Variants in CFAP44 observed in about 807,000 individuals in gnomAD.
The protein encoded by CFAP44 is cilia- and flagella-associated protein 44.
In CFAP44, 134 loss-of-function variants were observed where a neutral mutation model predicts 216.2. That is an observed-to-expected ratio of 0.62 (90% CI 0.54 to 0.72). The LOEUF (loss-of-function observed/expected upper bound fraction) is 0.72. CFAP44 is among the 30% of genes least tolerant of loss of function. The probability of loss-of-function intolerance (pLI) is 0.00; values close to 1 mark genes in which losing one functional copy is unlikely to be tolerated. For synonymous variants in CFAP44, 700 were observed against 727.6 expected (o/e 0.96, Z 0.61); for missense variants, 2,035 against 2,182.1 (o/e 0.93, Z 1.34).
intron 15 of CFAP44, among the ~76,000 whole-genome samples, chr3:113,395,210 T>C (rs75173481): frequency 7.7e-4 from 118 of 152,346 alleles, no homozygotes; most frequent in Non-Finnish European, 1.2e-3. Flanking sequence ...GACTGAATTC[T>C]CATATGCTCA....
rs114378814 is a variant in CFAP44, at chr3:113,291,878, G to A, written c.5374-130C>T. The A allele has an allele frequency of 7.9e-4, 807 of 1,025,964 alleles. 6 individuals are homozygous for A. The African/African-American group carries it at 0.011, about 14-fold the overall frequency. 63.6% of individuals were successfully genotyped at this position (1,025,964 alleles called of 1,614,324 possible). A position where few individuals can be genotyped will look rare whatever the true frequency, so the allele number is the denominator to read the frequency against. ...TAAACAGCCACTGTTCCTTAATCTC[G>A]GGAGCCTTCAATTCCTCTGCTAAAA... On this transcript the variant is annotated intron_variant, in intron 34 of 34. Transcript: ENST00000393845.
rs1949886701 is a variant in CFAP44 at position 113,296,836 on chromosome 3, C to T, written c.5127G>A (p.Val1709=). ...RQLMISKFGR[V]VNLEALQTLS... Reference sequence around the variant, plus strand: ...GCGTTTGAAGGGCTTCTAGATTTACCACACGGCCAAACTTGCTGATCATGA... The same window carrying T: ...GCGTTTGAAGGGCTTCTAGATTTACTACACGGCCAAACTTGCTGATCATGA... The change falls in exon 33 of 35, where the codon GTG becomes GTA. Residue 1709 remains valine, a synonymous_variant. Coordinates refer to ENST00000393845, the MANE Select transcript of CFAP44 (RefSeq NM_001164496.2). 6.5e-7 allele frequency: 1 copy of T among 1,537,210 alleles called. No homozygotes were observed. The highest frequency in any genetic ancestry group is 8.7e-7 in the Non-Finnish European group (1 of 1,146,930).
chr3:113,390,578 T>A (rs905813316), intron 15 of CFAP44, among the ~76,000 whole-genome samples: 1 of 152,160 alleles, frequency 6.6e-6, no homozygotes, highest in Admixed American at 6.5e-5. Context: ...GATTATATGA[T>A]CTTATATTTG....
At position 113,290,471 on chromosome 3, in the gene CFAP44, C is replaced by T. The variant is rs1004445074; in HGVS notation, c.*1086G>A. On this transcript the variant is annotated 3_prime_UTR_variant, in exon 35 of 35. Transcript: ENST00000393845. ...TATGCAATGTTCCTTTCTTCACCCG[C>T]CCTTCTCAGTGACCAGCTTATCCTG... is the stretch of plus-strand genomic sequence containing the variant. 1 of 152,182 alleles carries T rather than the reference C, an allele frequency of 6.6e-6. No individual in the cohort carries two copies. The highest frequency in any genetic ancestry group is 2.4e-5 in the African/African-American group (1 of 41,428). 9.4% of individuals were successfully genotyped at this position (152,182 alleles called of 1,614,324 possible).
At chr3:113,300,492 T>C (rs1332697772) in intron 32 of CFAP44, among the ~76,000 whole-genome samples, 8 of 147,318 alleles carry the variant, frequency 5.4e-5, no homozygotes, top group South Asian at 2.1e-4. Context: ...TATATATATA[T>C]ACCTACTATG....
At chr3:113,384,589 C>T (rs1933599074) in intron 15 of CFAP44, among the ~76,000 whole-genome samples, 1 of 152,112 alleles carries the variant, frequency 6.6e-6, no homozygotes, top group Non-Finnish European at 1.5e-5. Flanking sequence ...AAGACACAGA[C>T]AACACAAACA....
rs555027632 is a variant in CFAP44, at chr3:113,383,368, G to C, written c.1891-2308C>G. ...TGGTCTTGTATGCTCACAGGACAGA[G>C]AGAAGAAACTCTGGTCTCTTCATCC... is the stretch of plus-strand genomic sequence containing the variant. On this transcript the variant is annotated intron_variant, in intron 15 of 34. Coordinates refer to ENST00000393845, the MANE Select transcript of CFAP44 (RefSeq NM_001164496.2). Among the ~76,000 whole-genome samples the C allele has an allele frequency of 7.0e-4, 106 of 152,220 alleles. 1 individual carries two copies. The highest frequency in any genetic ancestry group is 2.5e-3 in the African/African-American group (103 of 41,536).
chr3:113,410,286 C>CTA (rs1373254267), intron 6 of CFAP44, among the ~76,000 whole-genome samples: 7 of 152,124 alleles, frequency 4.6e-5, no homozygotes, highest in Non-Finnish European at 7.3e-5. Flanking sequence ...TCTCCTAATG[C>CTA]TATCCCTACC....
chr3:113,357,345 C>T (rs1950500813), intron 22 of CFAP44, among the ~76,000 whole-genome samples: 2 of 152,006 alleles, frequency 1.3e-5, no homozygotes, highest in South Asian at 4.2e-4. Flanking sequence ...ATAATGACAG[C>T]AGGCCTTAAT....
intron 15 of CFAP44, among the ~76,000 whole-genome samples, chr3:113,383,912 C>T (rs1004232907): frequency 6.6e-6 from 1 of 152,100 alleles, no homozygotes; most frequent in East Asian, 1.9e-4. Context: ...CCCCCAACCC[C>T]CTGCCAGGCC....
In CFAP44 at chr3:113,406,948, G is replaced by A. The variant is rs749952567; in HGVS notation, c.984C>T (p.Tyr328=). 3 of 1,613,758 alleles carry A rather than the reference G, an allele frequency of 1.9e-6. No individual in the cohort carries two copies. Among genetic ancestry groups the A allele is most frequent in the African/African-American group, 2.7e-5 (2 of 74,892 alleles). The stretch of plus-strand genomic sequence containing the variant: ...TCACCTTCCCATCTGGGAGCTCCAT[G>A]TAGCCTTCTATATCAGTAGTGATTG... ...GKTITTDIEG[Y]MELPDGKVLS... The change falls in exon 8 of 35, where the codon TAC becomes TAT. Residue 328 remains tyrosine (Y), a synonymous_variant. Transcript: ENST00000393845.
chr3:113,387,583 AC>A (rs1409814429), intron 15 of CFAP44, among the ~76,000 whole-genome samples: 1 of 152,084 alleles, frequency 6.6e-6, no homozygotes, highest in East Asian at 1.9e-4. Context: ...AGACTCTGGG[AC>A]AAGCTGGTTT....
At chr3:113,347,280 C>G (rs1230385398) in intron 22 of CFAP44, among the ~76,000 whole-genome samples, 1 of 152,130 alleles carries the variant, frequency 6.6e-6, no homozygotes, top group African/African-American at 2.4e-5. Context: ...AGCCAACGGT[C>G]AAGAGAGAGG....
At chr3:113,439,577 C>A (rs1330571041) in intron 1 of CFAP44, among the ~76,000 whole-genome samples, 1 of 152,144 alleles carries the variant, frequency 6.6e-6, no homozygotes, top group South Asian at 2.1e-4. Flanking sequence ...TACCATGGCA[C>A]GCATATTCCA....
chr3:113,401,267 C>T lies in CFAP44; in HGVS notation c.1347G>A (p.Trp449Ter). 1 of 1,586,532 alleles carries T rather than the reference C, an allele frequency of 6.3e-7. No individual in the cohort carries two copies. Among genetic ancestry groups the T allele is most frequent in the Non-Finnish European group, 8.5e-7 (1 of 1,171,510 alleles). Residue 449 changes from tryptophan (W) to a stop codon, truncating the protein, a stop_gained, in exon 11 of 35, where the codon TGG (tryptophan) becomes TGA (stop). Coordinates refer to ENST00000393845, the MANE Select transcript of CFAP44 (RefSeq NM_001164496.2). LOFTEE classifies it high-confidence loss of function. Reference protein sequence around the residue: ...WLAQDANGAIWKLDLSFSNIT... With the variant: ...WLAQDANGAI Reference sequence around the variant, plus strand: ...TATTTGAAAAACTAAGGTCAAGCTTCCATATGGCTCCATTGGCATCCTAAA... The same window carrying T: ...TATTTGAAAAACTAAGGTCAAGCTTTCATATGGCTCCATTGGCATCCTAAA...
At chr3:113,364,918 G>GT (rs201544892) in intron 19 of CFAP44, among the ~76,000 whole-genome samples, 1,519 of 151,248 alleles carry the variant, frequency 0.01, 27 homozygotes, top group African/African-American at 0.035. Flanking sequence ...GTTTTCTGTT[G>GT]TTTTTTTTAA....
At chr3:113,396,341 T>C (rs1479727622) in intron 14 of CFAP44, among the ~76,000 whole-genome samples, 177 bp downstream of exon 14, 1 of 152,152 alleles carries the variant, frequency 6.6e-6, no homozygotes, top group African/African-American at 2.4e-5. Flanking sequence ...TCTCTTCTGA[T>C]TAAAAAGAGG....
chr3:113,440,389 T>G (rs1484747423), intron 1 of CFAP44, among the ~76,000 whole-genome samples: 1 of 152,186 alleles, frequency 6.6e-6, no homozygotes, highest in Non-Finnish European at 1.5e-5. Context: ...GACAAAGTCT[T>G]GCTATCCATT....
Position 113,296,793 on chromosome 3 carries a change from G to C in CFAP44, c.5170C>G (p.Leu1724Val). The C allele has an allele frequency of 6.5e-7, 1 of 1,537,696 alleles. No homozygotes were observed. Among genetic ancestry groups the C allele is most frequent in the Non-Finnish European group, 8.7e-7 (1 of 1,147,014 alleles). Residue 1724 changes from leucine (L) to valine (V), a missense_variant, in exon 33 of 35, where the codon CTT becomes GTT. This residue lies in a region of CFAP44 where 1,883 missense variants were observed against 2,023.7 expected (regional missense o/e 0.93). Transcript: ENST00000393845. ...ALQTLSVNTT[L>V]EELKIRKLRK... Reference sequence around the variant, plus strand: ...AGTTTTCTGATCTTCAGTTCTTCAAGTGTTGTATTAACAGAAAGCGTTTGA... The same window carrying C: ...AGTTTTCTGATCTTCAGTTCTTCAACTGTTGTATTAACAGAAAGCGTTTGA...
Sources: allele counts gnomAD v4.1 joint callset (sites outside exome capture counted in the v4.1 genomes callset), GRCh38; gene constraint gnomAD v4.1.1; regional missense constraint gnomAD v4.1.1; transcripts MANE v1.5; gene names NCBI Gene and HGNC (gene_info 2026-07-23, HGNC 2026-07-21).